The following UBN1 variants were observed in gnomAD, a reference collection of about 807,000 sequenced individuals.
UBN1 encodes the protein ubinuclein-1.
A neutral mutation model predicts 108.5 loss-of-function variants in UBN1; 17 were observed. The observed-to-expected ratio is 0.16, with a 90% CI of 0.11 to 0.24. The LOEUF is 0.24. Ranked by LOEUF, UBN1 falls within the 10% of genes least tolerant of loss-of-function variation. UBN1 has a pLI of 1.00. For missense variants in UBN1, 1,595 were observed against 1,394.4 expected (o/e 1.14, Z -2.29); for synonymous variants, 726 against 564.2 (o/e 1.29, Z -4.07).
intron 3 of UBN1, 38 bp downstream of exon 3, chr16:4,858,114 G>A (rs752526298): frequency 1.4e-6 from 2 of 1,397,404 alleles, no homozygotes; most frequent in Non-Finnish European, 2.0e-6. Flanking sequence ...CAACCTCATT[G>A]GGTGGGAGAC....
rs959691737 is a variant in UBN1 at position 4,849,100 on chromosome 16, C to T, written c.-40+890C>T. ...GGCGACAGAGCGAGCGAGACTCGTC[C>T]CCCCGCCAAAAAGAAAAAAGAAAAA... On this transcript the variant is annotated intron_variant, in intron 1 of 17. Transcript: ENST00000262376. 4.6e-5 allele frequency among the ~76,000 whole-genome samples: 7 copies of T among 152,034 alleles called. No homozygotes were observed. In the East Asian group the frequency reaches 1.2e-3, roughly 25 times the overall value.
Position 4,876,937 on chromosome 16 carries a change from A to C in UBN1, c.3091A>C (p.Ser1031Arg). 1 of 1,614,134 alleles carries C rather than the reference A, an allele frequency of 6.2e-7. No individual in the cohort carries two copies. Among genetic ancestry groups the C allele is most frequent in the South Asian group, 1.1e-5 (1 of 91,078 alleles). The stretch of plus-strand genomic sequence containing the variant: ...GATGGCTTCACCCTACAAATCCAGC[A>C]GCCCAAAGCTGTCTGGGGCCATGAG... ...SLMASPYKSS[S>R]PKLSGAMSSN... Residue 1031 changes from serine to arginine, a missense_variant, in exon 16 of 18, where the codon AGC becomes CGC. This residue lies in a region of UBN1 where 1,398 missense variants were observed against 1,194.7 expected (regional missense o/e 1.17). Coordinates refer to ENST00000262376, the MANE Select transcript of UBN1 (RefSeq NM_001079514.3).
Position 4,877,005 on chromosome 16 carries a change from C to A in UBN1, c.3159C>A (p.Val1053=). 1.9e-6 allele frequency: 3 copies of A among 1,614,212 alleles called. No homozygotes were observed. The highest frequency in any genetic ancestry group is 1.7e-6 in the Non-Finnish European group (2 of 1,180,036). Residue 1053 remains valine, a synonymous_variant, in exon 16 of 18, where the codon GTC becomes GTA. Coordinates refer to ENST00000262376, the MANE Select transcript of UBN1 (RefSeq NM_001079514.3). The surrounding 1 kb of genome is among the most constrained non-coding windows in gnomAD (Gnocchi z 4.3). ...LGIITPVPIP[V]HVLSFSADSS... ...TTATAACCCCTGTCCCTATTCCTGT[C>A]CATGTGCTCTCCTTCAGCGCTGACT... is the stretch of plus-strand genomic sequence containing the variant.
At chr16:4,856,230 C>T (rs935195731) in intron 2 of UBN1, among the ~76,000 whole-genome samples, 1 of 152,178 alleles carries the variant, frequency 6.6e-6, no homozygotes, top group Non-Finnish European at 1.5e-5. Context: ...TTGGGGACTA[C>T]AGATGCCCTT....
rs2087944808 is a variant in UBN1, at chr16:4,877,562, G to A, written c.3355+88G>A. The A allele has an allele frequency of 4.0e-6, 6 of 1,483,320 alleles. No homozygotes were observed. The highest frequency in any genetic ancestry group is 5.4e-6 in the Non-Finnish European group (6 of 1,120,920). The allele number at this position is 1,483,320 out of a possible 1,614,324, so 91.9% of individuals were successfully genotyped here. ...TGCTTTGCCGCTGCCAAGGGTCTTGGTGTCTTTGCCTTGACGCTGTTGTTG... is the reference window on the plus strand; with the variant it reads ...TGCTTTGCCGCTGCCAAGGGTCTTGATGTCTTTGCCTTGACGCTGTTGTTG... On this transcript the variant is annotated intron_variant, in intron 17 of 17. Coordinates refer to ENST00000262376, the MANE Select transcript of UBN1 (RefSeq NM_001079514.3). This position sits in a 1 kb window ranked among gnomAD's most constrained non-coding sequence, Gnocchi z 4.3.
chr16:4,852,332 G>C (rs1391294949), intron 1 of UBN1: 1 of 152,198 alleles, frequency 6.6e-6, no homozygotes, highest in Non-Finnish European at 1.5e-5. Context: ...TTGGGTGTGA[G>C]AGTGGTGCAC....
At chr16:4,856,067 A>G (rs898142943) in intron 2 of UBN1, among the ~76,000 whole-genome samples, 1 of 152,244 alleles carries the variant, frequency 6.6e-6, no homozygotes, top group Non-Finnish European at 1.5e-5. Context: ...AGTAATTTCA[A>G]ATCCCTTTAT....
intron 2 of UBN1, among the ~76,000 whole-genome samples, chr16:4,855,412 C>G (rs1317446449): frequency 2.0e-5 from 3 of 151,812 alleles, no homozygotes; most frequent in Admixed American, 1.3e-4. Flanking sequence ...CACAGGAGTT[C>G]AAGACTAGCC....
At chr16:4,869,287 C>T (rs982995907) in intron 8 of UBN1, among the ~76,000 whole-genome samples, 2 of 152,200 alleles carry the variant, frequency 1.3e-5, no homozygotes, top group African/African-American at 4.8e-5. Context: ...GCCTGCTCTG[C>T]CTTGGGTGTT....
Position 4,870,855 on chromosome 16 carries a change from A to G in UBN1, c.1442A>G (p.Glu481Gly). The G allele has an allele frequency of 6.2e-7, 1 of 1,613,946 alleles. No individual in the cohort carries two copies. Among genetic ancestry groups the G allele is most frequent in the Non-Finnish European group, 8.5e-7 (1 of 1,179,918 alleles). Residue 481 changes from glutamate to glycine, a missense_variant, in exon 11 of 18, where the codon GAG (glutamate) becomes GGG (glycine). Glu to Gly is a moderately conservative substitution (Grantham distance 98, BLOSUM62 -2). Around this residue, in one of 3 missense-constraint regions of UBN1, gnomAD observed 1,398 missense variants for 1,194.7 expected, o/e 1.17. Transcript: ENST00000262376. The stretch of plus-strand genomic sequence containing the variant: ...TATTCACCCCGTAGGATGCTGGAAG[A>G]GGAGAAAGACAAGGAGCAGAGGGAC... ...TQAKVAKMLE[E>G]EKDKEQRDRI...
Position 4,853,082 on chromosome 16 carries a change from T to A in UBN1, c.165T>A (p.Asp55Glu). ...VRITLTLFEP[D>E]HKRCPEFFYP... ...TTACACTCACCCTCTTTGAACCAGATCACAAACGCTGCCCAGAGTTCTTCT... is the reference window on the plus strand; with the variant it reads ...TTACACTCACCCTCTTTGAACCAGAACACAAACGCTGCCCAGAGTTCTTCT... Residue 55 changes from aspartate to glutamate, a missense_variant, in exon 2 of 18, where the codon GAT (aspartate) becomes GAA (glutamate). Around this residue, in one of 3 missense-constraint regions of UBN1, gnomAD observed 181 missense variants for 157.3 expected, o/e 1.15. Coordinates refer to ENST00000262376, the MANE Select transcript of UBN1 (RefSeq NM_001079514.3). The A allele has an allele frequency of 6.2e-7, 1 of 1,614,182 alleles. No individual in the cohort carries two copies. Among genetic ancestry groups the A allele is most frequent in the African/African-American group, 1.3e-5 (1 of 75,052 alleles).
rs940708966 is a variant in UBN1 at position 4,870,052 on chromosome 16, C to G, written c.1182-160C>G. On this transcript the variant is annotated intron_variant, in intron 8 of 17. Coordinates refer to ENST00000262376, the MANE Select transcript of UBN1 (RefSeq NM_001079514.3). ...GGGAGTTGTTGTTGTTTGTTGATTG[C>G]TGAGGATGTGTTTCCTTGGGCATTC... Among the ~76,000 whole-genome samples, 10 of 152,166 alleles carry G rather than the reference C, an allele frequency of 6.6e-5. No homozygotes were observed. In the South Asian group the frequency reaches 1.9e-3, roughly 28 times the overall value.
chr16:4,848,786 G>T (rs543092656), intron 1 of UBN1, among the ~76,000 whole-genome samples: 5 of 152,356 alleles, frequency 3.3e-5, no homozygotes, highest in African/African-American at 1.2e-4. Flanking sequence ...AATTGAATGA[G>T]ATTTTAATAA....
At chr16:4,872,269 T>C in intron 12 of UBN1, 1 of 985,338 alleles carries the variant, frequency 1.0e-6, no homozygotes, top group Non-Finnish European at 1.2e-6. Flanking sequence ...ATTCCTGGAA[T>C]GGAGGGACTA....
chr16:4,855,126 T>G (rs79338890), intron 2 of UBN1, among the ~76,000 whole-genome samples: 56,912 of 151,850 alleles, frequency 0.37, 10,984 homozygotes, highest in South Asian at 0.49. Flanking sequence ...CTCTAGCATG[T>G]CTCTTAGTGA....
intron 1 of UBN1, among the ~76,000 whole-genome samples, chr16:4,851,100 T>G (rs1261148318): frequency 6.6e-6 from 1 of 152,228 alleles, no homozygotes; most frequent in Non-Finnish European, 1.5e-5. Flanking sequence ...AAGGAAGGAT[T>G]GTTTAGTGAT....
rs528194979 is a variant in UBN1, at chr16:4,877,547, C to T, written c.3355+73C>T. ...CTCTCCACCCCTAGGTGCTTTGCCG[C>T]TGCCAAGGGTCTTGGTGTCTTTGCC... On this transcript the variant is annotated intron_variant, in intron 17 of 17. Coordinates refer to ENST00000262376, the MANE Select transcript of UBN1 (RefSeq NM_001079514.3). This position sits in a 1 kb window ranked among gnomAD's most constrained non-coding sequence, Gnocchi z 4.3. The T allele has an allele frequency of 3.2e-5, 48 of 1,499,652 alleles. No individual in the cohort carries two copies. The Admixed American group carries it at 9.4e-4, about 29-fold the overall frequency. 92.9% of individuals were successfully genotyped at this position (1,499,652 alleles called of 1,614,324 possible). A position where few individuals can be genotyped will look rare whatever the true frequency, so the allele number is the denominator to read the frequency against.
chr16:4,870,740 T>C, intron 10 of UBN1, 104 bp from the exon 11 acceptor site: 2 of 1,587,980 alleles, frequency 1.3e-6, no homozygotes, highest in East Asian at 2.2e-5. Context: ...TGGCTCTTCT[T>C]TGGCCTTTTC....
chr16:4,879,185 C>T (rs1173218245), intron 17 of UBN1, among the ~76,000 whole-genome samples: 1 of 152,138 alleles, frequency 6.6e-6, no homozygotes, highest in Non-Finnish European at 1.5e-5. Flanking sequence ...AGATGAAAAA[C>T]GTTTGAGATG....
Sources: gnomAD v4.1 joint callset for allele counts (sites outside exome capture counted in the v4.1 genomes callset) on GRCh38, gnomAD v4.1.1 for gene constraint, gnomAD v4.1.1 regional missense constraint, Gnocchi (gnomAD v3.1) non-coding constraint, MANE v1.5 for transcripts, NCBI Gene and HGNC (gene_info 2026-07-23, HGNC 2026-07-21) for gene names.